Variants in GOPC observed in about 807,000 individuals in gnomAD.
GOPC encodes golgi associated PDZ and coiled-coil motif containing.
GOPC carries 32 observed loss-of-function variants against 51.2 expected under a neutral mutation model. That is an observed-to-expected ratio of 0.63 (90% CI 0.47 to 0.84). The LOEUF (loss-of-function observed/expected upper bound fraction) is 0.84, where lower values mean the gene tolerates loss of function less well. Among genes scored for constraint, GOPC ranks in the 40% least tolerant of loss-of-function variants. The probability of loss-of-function intolerance (pLI) is 0.00; values close to 1 mark genes in which losing one functional copy is unlikely to be tolerated. For missense variants in GOPC, 441 were observed against 555.5 expected (o/e 0.79, Z 2.07); for synonymous variants, 190 against 205.1 (o/e 0.93, Z 0.63).
chr6:117,600,854 T>G (rs1771993245), intron 1 of GOPC, among the ~76,000 whole-genome samples: 1 of 152,166 alleles, frequency 6.6e-6, no homozygotes, highest in South Asian at 2.1e-4. Context: ...TAGAAGAAAT[T>G]AACAGTTCTC....
chr6:117,601,821 C>T (rs553315902), intron 1 of GOPC, among the ~76,000 whole-genome samples, 183 bp downstream of exon 1: 1 of 152,266 alleles, frequency 6.6e-6, no homozygotes, highest in Non-Finnish European at 1.5e-5. Context: ...GGAACTCACA[C>T]GTCGGTCTAG....
chr6:117,582,279 C>CAA (rs1779970763), intron 1 of GOPC, among the ~76,000 whole-genome samples: 1 of 139,270 alleles, frequency 7.2e-6, no homozygotes, highest in Non-Finnish European at 1.5e-5. Context: ...CCCCTACACA[C>CAA]ACACACACAC....
intron 1 of GOPC, among the ~76,000 whole-genome samples, chr6:117,582,794 G>A (rs1400210271): frequency 3.3e-5 from 5 of 150,526 alleles, no homozygotes; most frequent in East Asian, 2.0e-4. Flanking sequence ...GAATGAAAGT[G>A]GCTCTCAGCA....
At chr6:117,592,498 C>G (rs1404182288) in intron 1 of GOPC, among the ~76,000 whole-genome samples, 1 of 152,176 alleles carries the variant, frequency 6.6e-6, no homozygotes, top group Non-Finnish European at 1.5e-5. Flanking sequence ...GTGCCTCTCT[C>G]CCAGCTTTTG....
chr6:117,585,741 C>G (rs557005348), intron 1 of GOPC, among the ~76,000 whole-genome samples: 4 of 152,292 alleles, frequency 2.6e-5, no homozygotes, highest in Admixed American at 2.6e-4. Context: ...TTCTGAACCC[C>G]ATACACACAC....
At chr6:117,571,462 TCTA>T (rs1779805319) in intron 5 of GOPC, among the ~76,000 whole-genome samples, 2 of 152,160 alleles carry the variant, frequency 1.3e-5, no homozygotes, top group Admixed American at 1.3e-4. Context: ...TCTTTCTGTC[TCTA>T]CTAAGCTGTT....
At chr6:117,591,628 T>C (rs1387432688) in intron 1 of GOPC, among the ~76,000 whole-genome samples, 1 of 152,096 alleles carries the variant, frequency 6.6e-6, no homozygotes, top group Admixed American at 6.5e-5. Flanking sequence ...GAGAAGGCAT[T>C]ATACACCAAA....
intron 1 of GOPC, among the ~76,000 whole-genome samples, chr6:117,599,671 CATT>C (rs2114632705): frequency 6.6e-6 from 1 of 152,306 alleles, no homozygotes; most frequent in East Asian, 1.9e-4. Flanking sequence ...AATATGCTCA[CATT>C]GTGATATGCT....
intron 1 of GOPC, among the ~76,000 whole-genome samples, chr6:117,588,940 A>G (rs1780073191): frequency 6.6e-6 from 1 of 152,162 alleles, no homozygotes; most frequent in African/African-American, 2.4e-5. Flanking sequence ...TGGCTCCACC[A>G]TATAGAGTAG....
chr6:117,599,620 A>G (rs1459669631), intron 1 of GOPC, among the ~76,000 whole-genome samples: 2 of 152,156 alleles, frequency 1.3e-5, no homozygotes, highest in Admixed American at 6.5e-5. Flanking sequence ...TCCCCTCCCC[A>G]TTTTCCTATG....
chr6:117,602,508 T>C lies in GOPC; in HGVS notation c.-220A>G, dbSNP rs1490612129. On this transcript the variant is annotated 5_prime_UTR_variant, in exon 1 of 9. Coordinates refer to ENST00000368498, the MANE Select transcript of GOPC (RefSeq NM_020399.4). ...GGCGACACACGGAAGACTCAGTCAG[T>C]CCCACCTCCCAGCCTGCCCCCGCTG... The C allele has an allele frequency of 3.5e-6, 2 of 576,118 alleles. No homozygotes were observed. The highest frequency in any genetic ancestry group is 1.9e-5 in the African/African-American group (1 of 53,320). The allele number at this position is 576,118 out of a possible 1,614,324, so 35.7% of individuals were successfully genotyped here. A position where few individuals can be genotyped will look rare whatever the true frequency, so the allele number is the denominator to read the frequency against.
intron 4 of GOPC, among the ~76,000 whole-genome samples, chr6:117,573,927 A>C (rs1452948088): frequency 6.6e-6 from 1 of 152,204 alleles, no homozygotes; most frequent in Non-Finnish European, 1.5e-5. Flanking sequence ...ATTAATGTCA[A>C]TCTATGTCTT....
At chr6:117,586,581 C>T (rs557255485) in intron 1 of GOPC, among the ~76,000 whole-genome samples, 8 of 149,786 alleles carry the variant, frequency 5.3e-5, no homozygotes, top group African/African-American at 1.7e-4. Flanking sequence ...CCCAGGTTCA[C>T]GCCATTCTCT....
Position 117,578,934 on chromosome 6 carries a change from T to G in GOPC, c.416A>C (p.Gln139Pro). Residue 139 changes from glutamine to proline, a missense_variant, in exon 2 of 9, where the codon CAA (glutamine) becomes CCA (proline). Gln to Pro is a moderately conservative substitution (Grantham distance 76). Around this residue, in one of 3 missense-constraint regions of GOPC, gnomAD observed 204 missense variants for 219.8 expected, o/e 0.93. Transcript: ENST00000368498. Reference protein sequence around the residue: ...IQLQLHAKTGQSADSGTIKAK... With the variant: ...IQLQLHAKTGPSADSGTIKAK... ...CTTAATGGTACCAGAGTCAGCACTTTGACCAGTTTTAGCATGAAGCTGCAG... is the reference window on the plus strand; with the variant it reads ...CTTAATGGTACCAGAGTCAGCACTTGGACCAGTTTTAGCATGAAGCTGCAG... 5.6e-6 allele frequency: 9 copies of G among 1,607,570 alleles called. No homozygotes were observed. Among genetic ancestry groups the G allele is most frequent in the Admixed American group, 1.7e-5 (1 of 58,646 alleles).
intron 1 of GOPC, among the ~76,000 whole-genome samples, chr6:117,581,736 CT>C (rs920748040): frequency 6.6e-6 from 1 of 152,248 alleles, no homozygotes; most frequent in African/African-American, 2.4e-5. Flanking sequence ...TTTCCCTCAA[CT>C]TAATTCTACT....
Position 117,561,435 on chromosome 6 carries a change from C to T in GOPC, c.*1819G>A. ...TAAGAAGATAAGAATAACATGGTTTCATGTCACAGCAAAAAGGTTTTCGGG... is the reference window on the plus strand; with the variant it reads ...TAAGAAGATAAGAATAACATGGTTTTATGTCACAGCAAAAAGGTTTTCGGG... On this transcript the variant is annotated 3_prime_UTR_variant, in exon 9 of 9. Transcript: ENST00000368498. 4.5e-6 allele frequency: 1 copy of T among 222,988 alleles called. No homozygotes were observed. The allele number at this position is 222,988 out of a possible 1,614,324, so 13.8% of individuals were successfully genotyped here. A position where few individuals can be genotyped will look rare whatever the true frequency, so the allele number is the denominator to read the frequency against.
In GOPC at chr6:117,602,228, A is replaced by C. The variant is rs750552208; in HGVS notation, c.61T>G (p.Ser21Ala). Residue 21 changes from serine to alanine, a missense_variant, in exon 1 of 9, where the codon TCC (serine) becomes GCC (alanine). Ser to Ala is a moderately conservative substitution (Grantham distance 99). Coordinates refer to ENST00000368498, the MANE Select transcript of GOPC (RefSeq NM_020399.4). ...GATACCCCGCCAGGGGCCCCCACGG[A>C]GCAGGAGGCGCCCCCTGGGCCCCCT... The part of the protein sequence containing the change: ...AGGGPGGASC[S>A]VGAPGGVSMF... 1 of 1,605,174 alleles carries C rather than the reference A, an allele frequency of 6.2e-7. No individual in the cohort carries two copies. The highest frequency in any genetic ancestry group is 8.5e-7 in the Non-Finnish European group (1 of 1,179,870).
intron 6 of GOPC, 29 bp downstream of exon 6, chr6:117,570,830 GA>G: frequency 9.5e-7 from 1 of 1,047,158 alleles, no homozygotes; most frequent in Non-Finnish European, 1.4e-6. Flanking sequence ...GATAACTGTA[GA>G]AAATGATACT....
chr6:117,575,513 A>T, intron 3 of GOPC, 161 bp from the exon 4 acceptor site: 1 of 767,190 alleles, frequency 1.3e-6, no homozygotes, highest in African/African-American at 1.7e-5. Context: ...TAGTACCATA[A>T]CATCTTGGAA....
Sources: gnomAD v4.1 joint callset for allele counts (sites outside exome capture counted in the v4.1 genomes callset) on GRCh38, gnomAD v4.1.1 for gene constraint, gnomAD v4.1.1 regional missense constraint, MANE v1.5 for transcripts, NCBI Gene and HGNC (gene_info 2026-07-23, HGNC 2026-07-21) for gene names.